RNLS: variants seen among roughly 807,000 people sequenced by gnomAD.
RNLS encodes renalase.
RNLS carries 39 observed loss-of-function variants against 39.8 expected under a neutral mutation model. The ratio of observed to expected loss-of-function variants is 0.98; its 90% CI spans 0.76 to 1.28. The LOEUF (loss-of-function observed/expected upper bound fraction) is 1.28. RNLS is among the 50% of genes most tolerant of loss of function. The pLI is 0.00. For synonymous variants in RNLS, 147 were observed against 150.7 expected, an observed-to-expected ratio of 0.98 and a Z score of 0.18; for missense variants, 410 against 413.3, an observed-to-expected ratio of 0.99 and a Z score of 0.07.
At chr10:88,258,254 A>G in the RNLS span, among the ~76,000 whole-genome samples, 3 of 152,244 alleles carry the variant, frequency 2.0e-5, no homozygotes, top group African/African-American at 7.2e-5. Flanking sequence ...ACATTGGTGC[A>G]AATTCCTGTA....
chr10:88,407,720 C>A (rs1853378892), intron 4 of RNLS, among the ~76,000 whole-genome samples: 2 of 152,018 alleles, frequency 1.3e-5, no homozygotes, highest in South Asian at 2.1e-4. Context: ...TAGGGAATCA[C>A]AATTGTCAGA....
At chr10:88,581,743 T>C in intron 2 of RNLS, 34 bp from the exon 3 acceptor site, 1 of 1,401,032 alleles carries the variant, frequency 7.1e-7, no homozygotes, top group Non-Finnish European at 9.6e-7. Context: ...TTAATGTAAT[T>C]ATATACCATG....
Position 88,284,652 on chromosome 10 carries a change from C to T in RNLS, c.*702G>A, listed in dbSNP as rs1379365338. 1.0e-6 allele frequency: 1 copy of T among 985,022 alleles called. No individual in the cohort carries two copies. Among genetic ancestry groups the T allele is most frequent in the African/African-American group, 1.7e-5 (1 of 57,202 alleles). 61.0% of individuals were successfully genotyped at this position (985,022 alleles called of 1,614,324 possible). A position where few individuals can be genotyped will look rare whatever the true frequency, so the allele number is the denominator to read the frequency against. ...AGGTAAGGATCGATATACTTTCTCT[C>T]TGTTTCTATTTAATTTTTATCTTTC... On this transcript the variant is annotated 3_prime_UTR_variant, in exon 7 of 7. Transcript: ENST00000331772.
At chr10:88,239,794 T>A in the RNLS span, among the ~76,000 whole-genome samples, 1 of 152,226 alleles carries the variant, frequency 6.6e-6, no homozygotes, top group South Asian at 2.1e-4. Flanking sequence ...TACAGCATAA[T>A]GGCTGGGACT....
At chr10:88,360,349 T>G (rs565544614) in intron 5 of RNLS, among the ~76,000 whole-genome samples, 1 of 152,336 alleles carries the variant, frequency 6.6e-6, no homozygotes, top group Non-Finnish European at 1.5e-5. Flanking sequence ...TTTGGAGTAC[T>G]CAAGTAATCC....
chr10:88,359,202 G>T (rs746403077), intron 5 of RNLS, among the ~76,000 whole-genome samples: 1 of 152,058 alleles, frequency 6.6e-6, no homozygotes, highest in Non-Finnish European at 1.5e-5. Flanking sequence ...TGTACTCCCA[G>T]CTACTTGGGA....
chr10:88,477,878 T>C (rs982987639), intron 4 of RNLS, among the ~76,000 whole-genome samples: 2 of 152,204 alleles, frequency 1.3e-5, no homozygotes, highest in East Asian at 3.8e-4. Context: ...CACTGTTCAT[T>C]ACTAAGCTAT....
intron 4 of RNLS, among the ~76,000 whole-genome samples, chr10:88,439,960 T>A (rs1381837651): frequency 1.3e-5 from 2 of 152,214 alleles, no homozygotes; most frequent in Non-Finnish European, 2.9e-5. Flanking sequence ...TTCTCAAGGC[T>A]CTCTATGGCA....
chr10:88,259,983 G>C, the RNLS span, among the ~76,000 whole-genome samples: 1 of 152,028 alleles, frequency 6.6e-6, no homozygotes, highest in Non-Finnish European at 1.5e-5. Flanking sequence ...CTCGTGATCC[G>C]CCCGCCTCGG....
chr10:88,253,343 C>A, the RNLS span, among the ~76,000 whole-genome samples: 1 of 152,168 alleles, frequency 6.6e-6, no homozygotes, highest in African/African-American at 2.4e-5. Context: ...ACATTAGAAG[C>A]AGCAGCACAT....
At chr10:88,429,197 A>C (rs539675871) in intron 4 of RNLS, among the ~76,000 whole-genome samples, 3 of 152,078 alleles carry the variant, frequency 2.0e-5, no homozygotes, top group African/African-American at 7.2e-5. Flanking sequence ...CTAGCAGTGG[A>C]ATCTTGGACA....
chr10:88,252,125 T>C, the RNLS span, among the ~76,000 whole-genome samples: 1 of 152,222 alleles, frequency 6.6e-6, no homozygotes, highest in African/African-American at 2.4e-5. Context: ...TAACCTGCTC[T>C]GGACCTTTTT....
chr10:88,482,419 A>C (rs1382373123), intron 4 of RNLS, among the ~76,000 whole-genome samples: 2 of 151,958 alleles, frequency 1.3e-5, no homozygotes, highest in Admixed American at 1.3e-4. Context: ...TATCATCTCA[A>C]ATCTGCTACT....
intron 4 of RNLS, among the ~76,000 whole-genome samples, chr10:88,527,778 C>T (rs1213112385): frequency 6.7e-6 from 1 of 149,124 alleles, no homozygotes. Flanking sequence ...AGAAAATCTG[C>T]AACACCAAAA....
intron 4 of RNLS, among the ~76,000 whole-genome samples, chr10:88,365,287 C>CT (rs1849975348): frequency 6.6e-6 from 1 of 151,718 alleles, no homozygotes; most frequent in Admixed American, 6.6e-5. Context: ...CGGGCAAGAT[C>CT]TTAAAAAAAA....
chr10:88,347,334 C>G (rs1309333268), intron 5 of RNLS, among the ~76,000 whole-genome samples: 1 of 152,142 alleles, frequency 6.6e-6, no homozygotes, highest in African/African-American at 2.4e-5. Flanking sequence ...CTCAGTCCCA[C>G]AGACAGCCTT....
the RNLS span, among the ~76,000 whole-genome samples, chr10:88,200,263 T>C: frequency 6.6e-6 from 1 of 152,250 alleles, no homozygotes; most frequent in Non-Finnish European, 1.5e-5. Flanking sequence ...TGTGAATCCA[T>C]GATGTGGTAA....
chr10:88,347,528 A>G (rs1005466292), intron 5 of RNLS, among the ~76,000 whole-genome samples: 29 of 152,170 alleles, frequency 1.9e-4, no homozygotes, highest in African/African-American at 6.5e-4. Flanking sequence ...GAACCAACCT[A>G]AAGAAACCAT....
At chr10:88,175,426 G>T in the RNLS span, among the ~76,000 whole-genome samples, 3 of 151,986 alleles carry the variant, frequency 2.0e-5, no homozygotes, top group African/African-American at 7.2e-5. Flanking sequence ...ATAACCTCAG[G>T]TTTTGGTGTG....
Sources: allele counts gnomAD v4.1 joint callset (sites outside exome capture counted in the v4.1 genomes callset), GRCh38; gene constraint gnomAD v4.1.1; transcripts MANE v1.5; gene names NCBI Gene and HGNC (gene_info 2026-07-23, HGNC 2026-07-21).